Variants in EFNA5 observed in about 807,000 individuals in gnomAD.
EFNA5 encodes ephrin A5.
EFNA5 carries 5 observed loss-of-function variants against 22.9 expected under a neutral mutation model. The observed-to-expected ratio is 0.22, with a 90% CI of 0.11 to 0.46. The LOEUF is 0.46. Among genes scored for constraint, EFNA5 ranks in the 20% least tolerant of loss-of-function variants. The pLI, the probability that EFNA5 is intolerant of heterozygous loss-of-function variation, is 0.99. For missense variants in EFNA5, 237 were observed against 293.3 expected (o/e 0.81, Z 1.40); for synonymous variants, 113 against 112.2 (o/e 1.01, Z -0.04).
intron 1 of EFNA5, among the ~76,000 whole-genome samples, chr5:107,620,951 C>G (rs1293224803): frequency 6.6e-6 from 1 of 151,932 alleles, no homozygotes; most frequent in Non-Finnish European, 1.5e-5. Flanking sequence ...TGGATCATCA[C>G]GTGTAAGAGA....
intron 2 of EFNA5, among the ~76,000 whole-genome samples, chr5:107,414,222 A>T: frequency 6.6e-6 from 1 of 152,202 alleles, no homozygotes; most frequent in Non-Finnish European, 1.5e-5. Context: ...TCATCTCCAG[A>T]CAGATCACGA....
At chr5:107,459,376 GAAA>G (rs199577115) in intron 1 of EFNA5, among the ~76,000 whole-genome samples, 2 of 110,182 alleles carry the variant, frequency 1.8e-5, no homozygotes. Flanking sequence ...TGGAACACAT[GAAA>G]AAAAAAAAAA....
At chr5:107,549,240 A>G (rs748793429) in intron 1 of EFNA5, among the ~76,000 whole-genome samples, 2 of 152,238 alleles carry the variant, frequency 1.3e-5, no homozygotes, top group Non-Finnish European at 1.5e-5. Flanking sequence ...CGGATTAACA[A>G]TTAATAGTGG....
At chr5:107,408,243 G>T (rs573988362) in intron 2 of EFNA5, among the ~76,000 whole-genome samples, 1 of 151,860 alleles carries the variant, frequency 6.6e-6, no homozygotes, top group African/African-American at 2.4e-5. Context: ...TAAGGAAAAG[G>T]CTTATAAAAT....
intron 2 of EFNA5, among the ~76,000 whole-genome samples, chr5:107,418,289 G>A (rs1432012524): frequency 6.6e-6 from 1 of 152,124 alleles, no homozygotes; most frequent in Non-Finnish European, 1.5e-5. Flanking sequence ...ATGTAACACT[G>A]TACACACACG....
At chr5:107,587,840 G>A (rs1049429770) in intron 1 of EFNA5, among the ~76,000 whole-genome samples, 3 of 152,102 alleles carry the variant, frequency 2.0e-5, no homozygotes, top group African/African-American at 7.2e-5. Context: ...TTTAATATAC[G>A]ATGACTGTTC....
chr5:107,445,957 A>T (rs1749381737), intron 1 of EFNA5, among the ~76,000 whole-genome samples: 1 of 152,236 alleles, frequency 6.6e-6, no homozygotes, highest in Admixed American at 6.5e-5. Context: ...GAGAATAAAC[A>T]ACTATTTTAT....
At chr5:107,400,936 G>T (rs1748066101) in intron 2 of EFNA5, among the ~76,000 whole-genome samples, 1 of 152,102 alleles carries the variant, frequency 6.6e-6, no homozygotes, top group Non-Finnish European at 1.5e-5. Flanking sequence ...GATTTTCCCA[G>T]AAACCTTAGT....
At chr5:107,530,583 T>G (rs971904899) in intron 1 of EFNA5, among the ~76,000 whole-genome samples, 1 of 152,128 alleles carries the variant, frequency 6.6e-6, no homozygotes, top group Non-Finnish European at 1.5e-5. Context: ...ATTGAAAAAT[T>G]TGGAAATTTA....
chr5:107,607,893 A>G (rs1039130574), intron 1 of EFNA5, among the ~76,000 whole-genome samples: 2 of 152,044 alleles, frequency 1.3e-5, no homozygotes, highest in Non-Finnish European at 2.9e-5. Context: ...TCCCCCTAAC[A>G]CTTCTCTCAT....
chr5:107,510,287 G>GT (rs1747342912), intron 1 of EFNA5, among the ~76,000 whole-genome samples: 1 of 152,202 alleles, frequency 6.6e-6, no homozygotes, highest in Non-Finnish European at 1.5e-5. Context: ...ATGTCAGGAA[G>GT]TTACCCTACA....
intron 1 of EFNA5, among the ~76,000 whole-genome samples, chr5:107,618,711 A>G (rs925005064): frequency 2.0e-5 from 3 of 152,228 alleles, no homozygotes; most frequent in African/African-American, 4.8e-5. Context: ...AATCTATGAC[A>G]TGCCACTTGA....
At chr5:107,514,868 A>C (rs1204686120) in intron 1 of EFNA5, among the ~76,000 whole-genome samples, 1 of 152,194 alleles carries the variant, frequency 6.6e-6, no homozygotes, top group Non-Finnish European at 1.5e-5. Context: ...AATTAGGCAG[A>C]TAGCAAGGGC....
intron 1 of EFNA5, among the ~76,000 whole-genome samples, chr5:107,664,446 C>A (rs1212643855): frequency 6.6e-6 from 1 of 152,078 alleles, no homozygotes; most frequent in African/African-American, 2.4e-5. Context: ...ACATTAATCA[C>A]AAGAAACTTT....
chr5:107,394,736 T>C (rs899641256), intron 2 of EFNA5, among the ~76,000 whole-genome samples: 1 of 152,190 alleles, frequency 6.6e-6, no homozygotes, highest in Non-Finnish European at 1.5e-5. Flanking sequence ...TAAGTCTCAG[T>C]AGATCAATTA....
At chr5:107,530,527 G>C (rs655138) in intron 1 of EFNA5, among the ~76,000 whole-genome samples, 12,672 of 152,240 alleles carry the variant, frequency 0.083, 1,576 homozygotes, top group African/African-American at 0.27. Context: ...TGCTCTTGAT[G>C]TCTAATCCAT....
chr5:107,381,112 A>C lies in EFNA5; in HGVS notation c.*143T>G, dbSNP rs970498146. On this transcript the variant is annotated 3_prime_UTR_variant, in exon 5 of 5. Transcript: ENST00000333274. ...CCCCAACCTGAAGTTGTTGCTTAGA[A>C]TTCAGGCTGAAAGAAAGAAAACAAA... 6.4e-6 allele frequency: 8 copies of C among 1,251,618 alleles called. No homozygotes were observed. The African/African-American group carries it at 1.2e-4, about 19-fold the overall frequency. 77.5% of individuals were successfully genotyped at this position (1,251,618 alleles called of 1,614,324 possible).
intron 2 of EFNA5, among the ~76,000 whole-genome samples, chr5:107,390,930 G>A (rs954327524): frequency 1.8e-4 from 28 of 152,272 alleles, no homozygotes; most frequent in Non-Finnish European, 3.4e-4. Flanking sequence ...AGGCCAAGCC[G>A]GATGGATCAC....
chr5:107,612,796 A>G lies in EFNA5; in HGVS notation c.125+57693T>C, dbSNP rs529847257. On this transcript the variant is annotated intron_variant, in intron 1 of 4. Transcript: ENST00000333274. ...TACTTAATGAACTGCTGAGAATGGA[A>G]CAGAGTCACTATGAGAATACATTTT... Among the ~76,000 whole-genome samples the G allele has an allele frequency of 6.6e-5, 10 of 151,882 alleles. 2 individuals carry two copies. Among genetic ancestry groups the G allele is most frequent in the African/African-American group, 2.2e-4 (9 of 41,556 alleles).
Sources: allele counts gnomAD v4.1 joint callset (sites outside exome capture counted in the v4.1 genomes callset), GRCh38; gene constraint gnomAD v4.1.1; transcripts MANE v1.5; gene names NCBI Gene and HGNC (gene_info 2026-07-23, HGNC 2026-07-21).